The following HMGN5 variants were observed in gnomAD, a reference collection of about 807,000 sequenced individuals.
HMGN5 encodes the protein high mobility group nucleosome-binding domain-containing protein 5.
In HMGN5, 4 loss-of-function variants were observed where a neutral mutation model predicts 9.5. That is an observed-to-expected ratio of 0.42 (90% CI 0.21 to 0.96). The LOEUF is 0.96. HMGN5 is among the 40% of genes least tolerant of loss of function. HMGN5 has a pLI of 0.30. For synonymous variants in HMGN5, 55 were observed against 57.1 expected (o/e 0.96, Z 0.16); for missense variants, 192 against 187.5 (o/e 1.02, Z -0.14).
intron 1 of HMGN5, among the ~76,000 whole-genome samples, chrX:81,183,660 A>C (rs1157948192): frequency 8.8e-6 from 1 of 113,012 alleles, no homozygotes; most frequent in Non-Finnish European, 1.9e-5. Flanking sequence ...TGGAGCCCTC[A>C]TGGAGAACCT....
chrX:81,192,942 T>A (rs1396872983), intron 1 of HMGN5, among the ~76,000 whole-genome samples: 1 of 111,509 alleles, frequency 9.0e-6, no homozygotes, highest in African/African-American at 3.3e-5. Context: ...TAGTCTTTAG[T>A]TTTCAGTCAC....
At position 81,115,003 on chromosome X, in the gene HMGN5, C is replaced by G. The variant is rs144502161; in HGVS notation, c.495G>C (p.Glu165Asp). ...EDGKEDKNGN[E>D]KGEDAKEKED... ...CTTTCTCTTTTGCATCTTCTCCTTT[C>G]TCATTTCCATTTTTATCCTCTTTTC... is the stretch of plus-strand genomic sequence containing the variant. The change falls in exon 7 of 7, where the codon GAG becomes GAC. Residue 165 changes from glutamate (E) to aspartate (D), a missense_variant. Transcript: ENST00000358130. 425 of 1,148,328 alleles carry G rather than the reference C, an allele frequency of 3.7e-4. 1 individual carries two copies. In the African/African-American group the frequency reaches 6.7e-3, roughly 18 times the overall value. The allele number at this position is 1,148,328 out of a possible 1,213,427, so 94.6% of individuals were successfully genotyped here. A position where few individuals can be genotyped will look rare whatever the true frequency, so the allele number is the denominator to read the frequency against.
chrX:81,149,437 G>T (rs780921872), intron 1 of HMGN5, among the ~76,000 whole-genome samples: 2 of 111,670 alleles, frequency 1.8e-5, no homozygotes, highest in African/African-American at 6.5e-5. Flanking sequence ...CATGGACACA[G>T]GGAGAGGAGC....
intron 1 of HMGN5, among the ~76,000 whole-genome samples, chrX:81,177,390 A>C (rs1297825575): frequency 3.3e-4 from 33 of 100,720 alleles, no homozygotes; most frequent in African/African-American, 1.0e-3. Context: ...AAAAAAAAAA[A>C]AAAAAAAAGA....
At chrX:81,126,457 AACT>A (rs2075283857) in intron 1 of HMGN5, among the ~76,000 whole-genome samples, 1 of 111,656 alleles carries the variant, frequency 9.0e-6, no homozygotes. Flanking sequence ...AGAAGAGAAA[AACT>A]ACTTTTTACC....
rs142173136 is a variant in HMGN5 at position 81,119,810 on chromosome X, C to T, written c.23G>A (p.Gly8Asp). The T allele has an allele frequency of 8.3e-7, 1 of 1,205,799 alleles. No individual in the cohort carries two copies. MPKRKAA[G>D]QGDMRQEPKR... is the part of the protein sequence containing the mutation. ...CACCTCCTGCCTCATATCACCTTGA[C>T]CTGCAGCCTACACAGAGGAGAAAAC... Residue 8 changes from glycine to aspartate, a missense_variant, in exon 3 of 7, where the codon GGT (glycine) becomes GAT (aspartate). Transcript: ENST00000358130.
intron 1 of HMGN5, among the ~76,000 whole-genome samples, chrX:81,199,813 C>T (rs2075520050): frequency 8.9e-6 from 1 of 111,993 alleles, no homozygotes; most frequent in African/African-American, 3.2e-5. Context: ...AGGACATAGG[C>T]ATGGGCAAAG....
At chrX:81,165,077 T>G (rs2075407468) in intron 1 of HMGN5, among the ~76,000 whole-genome samples, 1 of 111,537 alleles carries the variant, frequency 9.0e-6, no homozygotes, top group Non-Finnish European at 1.9e-5. Flanking sequence ...GTCATCGATT[T>G]TGGAATAATC....
intron 1 of HMGN5, among the ~76,000 whole-genome samples, chrX:81,122,270 G>A: frequency 8.9e-6 from 1 of 112,271 alleles, no homozygotes; most frequent in Non-Finnish European, 1.9e-5. Flanking sequence ...CGACAAAACC[G>A]GGAGCTATAC....
chrX:81,159,427 C>T (rs1224388995), intron 1 of HMGN5, among the ~76,000 whole-genome samples: 1 of 111,314 alleles, frequency 9.0e-6, no homozygotes, highest in Non-Finnish European at 1.9e-5. Flanking sequence ...AAAGTCTGCA[C>T]AAATGCTGTC....
At position 81,153,581 on chromosome X, in the gene HMGN5, CTCTATATATATATATATATATATATA is replaced by C. The variant is rs1394307828; in HGVS notation, c.-123-31935_-123-31910del. ...TCTCTCTCTCTCTCTCTCTCTCTCT[CTCTATATATATATATATATATATATA>C]TATATATATATATATATATATATAT... On this transcript the variant is annotated intron_variant, in intron 1 of 6. Transcript: ENST00000358130. Among the ~76,000 whole-genome samples the C allele has an allele frequency of 2.7e-3, 26 of 9,622 alleles. 2 individuals are homozygous for C. In the East Asian group the frequency reaches 0.05, roughly 19 times the overall value. 8.4% of individuals were successfully genotyped at this position (9,622 alleles called of 115,157 possible). A position where few individuals can be genotyped will look rare whatever the true frequency, so the allele number is the denominator to read the frequency against.
intron 1 of HMGN5, among the ~76,000 whole-genome samples, chrX:81,148,119 C>G (rs763332607): frequency 8.9e-6 from 1 of 111,859 alleles, no homozygotes; most frequent in South Asian, 3.7e-4. Context: ...CTTCACTGAA[C>G]TGGAAAAAAT....
chrX:81,150,558 C>A (rs753437171), intron 1 of HMGN5, among the ~76,000 whole-genome samples: 1 of 111,524 alleles, frequency 9.0e-6, no homozygotes, highest in Non-Finnish European at 1.9e-5. Context: ...GAGAGTGAAA[C>A]TCTGTCTTGC....
At chrX:81,191,781 T>A (rs2075494896) in intron 1 of HMGN5, among the ~76,000 whole-genome samples, 1 of 112,220 alleles carries the variant, frequency 8.9e-6, no homozygotes, top group African/African-American at 3.2e-5. Context: ...TTTTACTAAG[T>A]GTATGCATCC....
chrX:81,197,335 G>C (rs1013702081), intron 1 of HMGN5, among the ~76,000 whole-genome samples: 5 of 111,762 alleles, frequency 4.5e-5, no homozygotes, highest in Non-Finnish European at 9.4e-5. Context: ...CAATGAAGTT[G>C]ACATGATAAT....
chrX:81,118,416 T>G lies in HMGN5; in HGVS notation c.129+16A>C. 1 of 1,090,789 alleles carries G rather than the reference T, an allele frequency of 9.2e-7. No individual in the cohort carries two copies. Among genetic ancestry groups the G allele is most frequent in the Non-Finnish European group, 1.2e-6 (1 of 801,821 alleles). 89.9% of individuals were successfully genotyped at this position (1,090,789 alleles called of 1,213,427 possible). On this transcript the variant is annotated intron_variant, in intron 5 of 6. Coordinates refer to ENST00000358130, the MANE Select transcript of HMGN5 (RefSeq NM_030763.3). The stretch of plus-strand genomic sequence containing the variant: ...AAAAAGCAAATTTATTTCAATATTC[T>G]ACGTTGAATATTTACCCTTGAACTT...
intron 1 of HMGN5, among the ~76,000 whole-genome samples, chrX:81,190,688 G>A (rs2075491670): frequency 9.0e-6 from 1 of 111,569 alleles, no homozygotes; most frequent in Admixed American, 9.5e-5. Flanking sequence ...GTATCTTCTA[G>A]GAGTTTTATA....
intron 1 of HMGN5, among the ~76,000 whole-genome samples, chrX:81,179,962 C>T (rs1265592614): frequency 3.6e-5 from 4 of 111,712 alleles, no homozygotes; most frequent in African/African-American, 1.3e-4. Flanking sequence ...AAAGGATTCC[C>T]TATTTAATAA....
chrX:81,153,787 C>T (rs2075375587), intron 1 of HMGN5, among the ~76,000 whole-genome samples: 1 of 101,894 alleles, frequency 9.8e-6, no homozygotes, highest in African/African-American at 3.6e-5. Flanking sequence ...TTATAATAGC[C>T]ACACATAAAA....
Sources: gnomAD v4.1 joint callset for allele counts (sites outside exome capture counted in the v4.1 genomes callset) on GRCh38, gnomAD v4.1.1 for gene constraint, MANE v1.5 for transcripts, NCBI Gene and HGNC (gene_info 2026-07-23, HGNC 2026-07-21) for gene names.